The following TTC6 variants were observed in gnomAD, a reference collection of about 807,000 sequenced individuals.
TTC6 encodes tetratricopeptide repeat domain 6.
In TTC6, 172 loss-of-function variants were observed where a neutral mutation model predicts 210.4. That is an observed-to-expected ratio of 0.82 (90% confidence interval 0.72 to 0.93). TTC6 has a LOEUF of 0.93. Among genes scored for constraint, TTC6 ranks in the 40% least tolerant of loss-of-function variants. The pLI, the probability that TTC6 is intolerant of heterozygous loss-of-function variation, is 0.00. For missense variants in TTC6, 2,414 were observed against 2,318.1 expected (o/e 1.04, Z -0.85); for synonymous variants, 804 against 819.6 (o/e 0.98, Z 0.32).
chr14:37,841,591 G>T (rs2096210230), exon 30 of TTC6: 1 of 1,606,768 alleles, frequency 6.2e-7, no homozygotes, highest in Admixed American at 1.7e-5. Context: ...GTCCCTTTTG[G>T]GCTGCAGTAT....
At chr14:37,660,151 G>T (rs1021308913) in intron 1 of TTC6, among the ~76,000 whole-genome samples, 1 of 151,412 alleles carries the variant, frequency 6.6e-6, no homozygotes, top group Non-Finnish European at 1.5e-5. Context: ...ATTACTTTTG[G>T]CATTGTCATC....
At chr14:37,605,201 T>A (rs2095622941) in intron 1 of TTC6, among the ~76,000 whole-genome samples, 1 of 152,154 alleles carries the variant, frequency 6.6e-6, no homozygotes, top group South Asian at 2.1e-4. Flanking sequence ...AGACCAGAAA[T>A]TGATTAAACC....
At chr14:37,842,223 C>A in exon 31 of TTC6, 1 of 1,609,654 alleles carries the variant, frequency 6.2e-7, no homozygotes, top group South Asian at 1.1e-5. Flanking sequence ...TAAAATAGGT[C>A]TGATTGAGGA....
chr14:37,671,400 G>A (rs750918349), intron 1 of TTC6, among the ~76,000 whole-genome samples: 2 of 152,122 alleles, frequency 1.3e-5, no homozygotes, highest in African/African-American at 2.4e-5. Flanking sequence ...CATTCAGGAG[G>A]TGGGAATCAT....
upstream of TTC6, among the ~76,000 whole-genome samples, chr14:37,620,214 C>CAT (rs891750457): frequency 2.9e-3 from 445 of 151,860 alleles, 3 homozygotes; most frequent in African/African-American, 9.9e-3. Context: ...GGGATATATA[C>CAT]ATATATATAT....
At chr14:37,805,429 A>ACACACACC (rs1191528713) in intron 21 of TTC6, among the ~76,000 whole-genome samples, 7 of 140,800 alleles carry the variant, frequency 5.0e-5, no homozygotes, top group African/African-American at 1.7e-4. Flanking sequence ...ACACACACAC[A>ACACACACC]CACACACACA....
intron 1 of TTC6, among the ~76,000 whole-genome samples, chr14:37,656,404 T>G (rs1242317986): frequency 6.6e-6 from 1 of 152,200 alleles, no homozygotes; most frequent in Non-Finnish European, 1.5e-5. Context: ...GTAAAGTCCC[T>G]GTTTTATCAT....
chr14:37,697,937 T>C (rs2095817855), intron 4 of TTC6, among the ~76,000 whole-genome samples: 1 of 152,140 alleles, frequency 6.6e-6, no homozygotes, highest in Non-Finnish European at 1.5e-5. Context: ...TATGTCTTAG[T>C]GTTTCAAAGA....
At chr14:37,689,345 C>A (rs1281941145) in intron 3 of TTC6, among the ~76,000 whole-genome samples, 1 of 151,968 alleles carries the variant, frequency 6.6e-6, no homozygotes, top group African/African-American at 2.4e-5. Flanking sequence ...AAGGGCAAAT[C>A]TAAGTGTTAT....
chr14:37,661,363 G>A (rs956151505), intron 1 of TTC6, among the ~76,000 whole-genome samples: 11 of 151,588 alleles, frequency 7.3e-5, no homozygotes, highest in African/African-American at 2.7e-4. Flanking sequence ...TTGAGGAAGG[G>A]GTCCAGTTTC....
At chr14:37,796,789 C>T (rs745757054) in exon 20 of TTC6, 1 of 1,595,194 alleles carries the variant, frequency 6.3e-7, no homozygotes, top group Non-Finnish European at 8.5e-7. Context: ...CCTTTTAGGT[C>T]TCAGTGAGTT....
At chr14:37,786,650 C>G (rs537882350) in intron 14 of TTC6, among the ~76,000 whole-genome samples, 2 of 152,320 alleles carry the variant, frequency 1.3e-5, no homozygotes, top group South Asian at 4.1e-4. Flanking sequence ...AACTGTCCGA[C>G]AAGCCCCAGT....
At chr14:37,772,097 C>T (rs924228149) in intron 14 of TTC6, among the ~76,000 whole-genome samples, 2 of 152,142 alleles carry the variant, frequency 1.3e-5, no homozygotes, top group African/African-American at 4.8e-5. Context: ...CTGGGGGGTG[C>T]CTCCCAGTTA....
Position 37,651,446 on chromosome 14 carries a change from TTTTTTTTC to T in TTC6, c.939+28444_939+28451del, listed in dbSNP as rs200002457. 3.4e-3 allele frequency among the ~76,000 whole-genome samples: 268 copies of T among 78,452 alleles called. 4 individuals carry two copies. The highest frequency in any genetic ancestry group is 0.014 in the Middle Eastern group (2 of 142). The allele number at this position is 78,452 out of a possible 152,430, so 51.5% of individuals were successfully genotyped here. The stretch of plus-strand genomic sequence containing the variant: ...ATATATTTTTTTTTTTTTTTTTTTT[TTTTTTTTC>T]CATCCATGATTCATTTTTGGGTCAT... On this transcript the variant is annotated intron_variant, in intron 1 of 30. Coordinates refer to ENST00000553443, the Ensembl canonical transcript of TTC6.
At chr14:37,817,693 C>T in intron 26 of TTC6, 42 bp downstream of exon 28, 4 of 1,571,132 alleles carry the variant, frequency 2.5e-6, no homozygotes, top group Non-Finnish European at 2.6e-6. Context: ...CAAGCAGGAC[C>T]ATCAGACTTA....
chr14:37,798,224 G>T (rs1254760194), intron 20 of TTC6, among the ~76,000 whole-genome samples: 1 of 152,044 alleles, frequency 6.6e-6, no homozygotes, highest in African/African-American at 2.4e-5. Context: ...GATTGTTTTA[G>T]GGAGAATTGA....
At chr14:37,787,808 A>G (rs1030714665) in intron 15 of TTC6, among the ~76,000 whole-genome samples, 171 bp downstream of exon 17, 1 of 152,116 alleles carries the variant, frequency 6.6e-6, no homozygotes, top group Non-Finnish European at 1.5e-5. Flanking sequence ...ATATTCTTAT[A>G]TAGGTATACA....
chr14:37,826,911 C>T (rs2096173081), intron 28 of TTC6, among the ~76,000 whole-genome samples: 1 of 152,134 alleles, frequency 6.6e-6, no homozygotes. Flanking sequence ...TCTAGCTTAA[C>T]AGCTAAACAG....
At chr14:37,666,924 T>C (rs762439785) in intron 1 of TTC6, among the ~76,000 whole-genome samples, 9 of 150,332 alleles carry the variant, frequency 6.0e-5, no homozygotes, top group Non-Finnish European at 1.2e-4. Context: ...TTTATGACTA[T>C]GGTGGTATAA....
Sources: allele counts gnomAD v4.1 joint callset (sites outside exome capture counted in the v4.1 genomes callset), GRCh38; gene constraint gnomAD v4.1.1; transcripts MANE v1.5; gene names NCBI Gene and HGNC (gene_info 2026-07-23, HGNC 2026-07-21).